The following ELP4 variants were observed in gnomAD, a reference collection of about 807,000 sequenced individuals.
ELP4 encodes the protein elongator complex protein 4.
A neutral mutation model predicts 48.9 loss-of-function variants in ELP4; 51 were observed. The ratio of observed to expected loss-of-function variants is 1.04; its 90% CI spans 0.83 to 1.32. The LOEUF (loss-of-function observed/expected upper bound fraction) is 1.32, where lower values mean the gene tolerates loss of function less well. Among genes scored for constraint, ELP4 ranks in the 40% most tolerant of loss-of-function variants. ELP4 has a pLI of 0.00. For synonymous variants in ELP4, 210 were observed against 189.2 expected, an observed-to-expected ratio of 1.11 and a Z score of -0.90; for missense variants, 519 against 514.6, an observed-to-expected ratio of 1.01 and a Z score of -0.08.
intron 3 of ELP4, among the ~76,000 whole-genome samples, chr11:31,563,343 A>T (rs1957052599): frequency 6.6e-6 from 1 of 152,132 alleles, no homozygotes; most frequent in Non-Finnish European, 1.5e-5. Context: ...GGGTTTTATT[A>T]TGCCCTAGAG....
intron 9 of ELP4, among the ~76,000 whole-genome samples, chr11:31,731,594 G>A (rs1362077304): frequency 6.6e-6 from 1 of 151,574 alleles, no homozygotes. Flanking sequence ...GTGTGTGTGT[G>A]TGTGTGTAGT....
chr11:31,682,805 G>A (rs1332616565), intron 9 of ELP4, among the ~76,000 whole-genome samples: 1 of 152,036 alleles, frequency 6.6e-6, no homozygotes, highest in Non-Finnish European at 1.5e-5. Flanking sequence ...AGTTGTTCAG[G>A]GAAAGCTACA....
intron 3 of ELP4, among the ~76,000 whole-genome samples, chr11:31,547,384 A>G (rs1223112475): frequency 6.6e-6 from 1 of 152,236 alleles, no homozygotes. Flanking sequence ...TAGAAAATCT[A>G]GAAGAAATGG....
At chr11:31,607,900 T>C (rs1484517839) in intron 5 of ELP4, among the ~76,000 whole-genome samples, 2 of 152,184 alleles carry the variant, frequency 1.3e-5, no homozygotes, top group Non-Finnish European at 2.9e-5. Context: ...CTAATTAAAA[T>C]AGAAGCAGCA....
chr11:31,605,749 A>T (rs1436701906), intron 5 of ELP4, among the ~76,000 whole-genome samples: 1 of 152,128 alleles, frequency 6.6e-6, no homozygotes, highest in African/African-American at 2.4e-5. Context: ...ATATTTTCCA[A>T]GTCAGGTACT....
chr11:31,542,942 A>G (rs1202977496), intron 3 of ELP4, among the ~76,000 whole-genome samples: 1 of 152,250 alleles, frequency 6.6e-6, no homozygotes, highest in Non-Finnish European at 1.5e-5. Flanking sequence ...AAATGGAAAC[A>G]TGGAAGATGT....
intron 9 of ELP4, among the ~76,000 whole-genome samples, chr11:31,683,366 CCACTT>C (rs1946095192): frequency 6.6e-6 from 1 of 151,958 alleles, no homozygotes; most frequent in Non-Finnish European, 1.5e-5. Context: ...AATTTTTGTA[CCACTT>C]CAAAGTATGA....
intron 3 of ELP4, among the ~76,000 whole-genome samples, chr11:31,541,631 A>G (rs1307086916): frequency 6.6e-6 from 1 of 152,104 alleles, no homozygotes; most frequent in East Asian, 1.9e-4. Flanking sequence ...TTTTATTTTT[A>G]TTTTTTCCTC....
At chr11:31,587,994 A>G (rs993917459) in intron 3 of ELP4, among the ~76,000 whole-genome samples, 5 of 152,160 alleles carry the variant, frequency 3.3e-5, no homozygotes, top group African/African-American at 4.8e-5. Context: ...TTCTTCAACT[A>G]TAATGCAAAA....
At chr11:31,756,896 A>G (rs1385033602) in intron 9 of ELP4, among the ~76,000 whole-genome samples, 1 of 152,232 alleles carries the variant, frequency 6.6e-6, no homozygotes, top group Non-Finnish European at 1.5e-5. Context: ...CCACTGCGGC[A>G]TAAACGATGG....
chr11:31,692,100 A>G (rs11604845), intron 9 of ELP4, among the ~76,000 whole-genome samples: 92,182 of 152,028 alleles, frequency 0.61, 31,714 homozygotes, highest in Non-Finnish European at 0.76. Flanking sequence ...CTTCTTACTC[A>G]GAAGTCCAAT....
chr11:31,740,148 T>C (rs2134217425), intron 9 of ELP4, among the ~76,000 whole-genome samples: 1 of 152,344 alleles, frequency 6.6e-6, no homozygotes, highest in South Asian at 2.1e-4. Context: ...GGCCTAGAGT[T>C]CGTCAGATAA....
intron 9 of ELP4, among the ~76,000 whole-genome samples, chr11:31,699,995 G>A (rs1353569967): frequency 6.6e-6 from 1 of 152,062 alleles, no homozygotes; most frequent in African/African-American, 2.4e-5. Flanking sequence ...ACGATACTGG[G>A]GCAGTTGACA....
At chr11:31,516,024 TG>T (rs902369502) in intron 1 of ELP4, among the ~76,000 whole-genome samples, 8 of 151,386 alleles carry the variant, frequency 5.3e-5, no homozygotes, top group African/African-American at 1.9e-4. Flanking sequence ...GGCAGGAGAA[TG>T]GGGGGTGAAA....
intron 3 of ELP4, among the ~76,000 whole-genome samples, chr11:31,582,423 T>C (rs975164111): frequency 2.6e-5 from 4 of 152,224 alleles, no homozygotes; most frequent in Non-Finnish European, 4.4e-5. Flanking sequence ...AATCTGCTAT[T>C]ACATTTTTAA....
chr11:31,569,233 A>G (rs1407401359), intron 3 of ELP4, among the ~76,000 whole-genome samples: 1 of 152,220 alleles, frequency 6.6e-6, no homozygotes, highest in Non-Finnish European at 1.5e-5. Flanking sequence ...CATTTGCAAC[A>G]AAAAGAAAAA....
chr11:31,624,356 A>C (rs1036193348), intron 5 of ELP4, among the ~76,000 whole-genome samples: 1 of 151,786 alleles, frequency 6.6e-6, no homozygotes, highest in Admixed American at 6.6e-5. Flanking sequence ...CTTGTGCAGC[A>C]TGTTACTGGA....
At chr11:31,671,372 A>G (rs1346525566) in intron 9 of ELP4, among the ~76,000 whole-genome samples, 1 of 152,184 alleles carries the variant, frequency 6.6e-6, no homozygotes, top group South Asian at 2.1e-4. Context: ...TGCCATTAGA[A>G]AGTATTTAAG....
chr11:31,571,555 T>C (rs1452687270), intron 3 of ELP4, among the ~76,000 whole-genome samples: 1 of 152,228 alleles, frequency 6.6e-6, no homozygotes, highest in Admixed American at 6.5e-5. Context: ...GCAGCTAGAA[T>C]AGTAAATCTT....
Sources: gnomAD v4.1 joint callset for allele counts (sites outside exome capture counted in the v4.1 genomes callset) on GRCh38, gnomAD v4.1.1 for gene constraint, MANE v1.5 for transcripts, NCBI Gene and HGNC (gene_info 2026-07-23, HGNC 2026-07-21) for gene names.